Variants in ELP4 observed in about 807,000 individuals in gnomAD.
ELP4 encodes elongator complex protein 4.
In ELP4, 51 loss-of-function variants were observed where a neutral mutation model predicts 48.9. The observed-to-expected ratio is 1.04, with a 90% CI of 0.83 to 1.32. ELP4 has a LOEUF of 1.32. ELP4 is among the 40% of genes most tolerant of loss of function. The pLI is 0.00. For missense variants in ELP4, 519 were observed against 514.6 expected (o/e 1.01, Z -0.08); for synonymous variants, 210 against 189.2 (o/e 1.11, Z -0.90).
At chr11:31,763,337 TCCCCC>T in intron 9 of ELP4, 1 of 1,315,408 alleles carries the variant, frequency 7.6e-7, no homozygotes. Context: ...GTTAGCTTTT[TCCCCC>T]TCTAATCCTT....
At chr11:31,544,957 G>A (rs1020777657) in intron 3 of ELP4, among the ~76,000 whole-genome samples, 8 of 152,056 alleles carry the variant, frequency 5.3e-5, no homozygotes, top group Non-Finnish European at 1.2e-4. Context: ...CTGTTAGAAG[G>A]AAAACTAACA....
intron 2 of ELP4, among the ~76,000 whole-genome samples, chr11:31,534,745 A>G (rs1199514279): frequency 6.6e-6 from 1 of 152,246 alleles, no homozygotes; most frequent in Non-Finnish European, 1.5e-5. Context: ...AATCTTAGAA[A>G]TTAAAAATTT....
At chr11:31,576,131 G>A (rs1334245955) in intron 3 of ELP4, among the ~76,000 whole-genome samples, 1 of 152,128 alleles carries the variant, frequency 6.6e-6, no homozygotes, top group Admixed American at 6.6e-5. Flanking sequence ...AATAGGCAGG[G>A]ATTGCAATCC....
At chr11:31,563,888 A>T (rs751323940) in intron 3 of ELP4, among the ~76,000 whole-genome samples, 1 of 152,228 alleles carries the variant, frequency 6.6e-6, no homozygotes, top group East Asian at 1.9e-4. Flanking sequence ...TCTGGGTTAG[A>T]AATCAAAGGC....
intron 2 of ELP4, among the ~76,000 whole-genome samples, chr11:31,523,006 C>T (rs1187685065): frequency 6.6e-6 from 1 of 151,804 alleles, no homozygotes; most frequent in Non-Finnish European, 1.5e-5. Context: ...ACAGCACTCA[C>T]ACCACCATGC....
intron 6 of ELP4, among the ~76,000 whole-genome samples, chr11:31,628,728 A>G (rs1339381714): frequency 6.6e-6 from 1 of 152,066 alleles, no homozygotes; most frequent in Non-Finnish European, 1.5e-5. Context: ...ATTAAAATAT[A>G]CCAATACGTT....
chr11:31,683,198 G>A (rs1460711672), intron 9 of ELP4, among the ~76,000 whole-genome samples: 1 of 152,102 alleles, frequency 6.6e-6, no homozygotes, highest in Non-Finnish European at 1.5e-5. Context: ...ACACAAATGT[G>A]TAGTTTCTTT....
chr11:31,574,965 A>T (rs1219378009), intron 3 of ELP4, among the ~76,000 whole-genome samples: 3 of 152,240 alleles, frequency 2.0e-5, no homozygotes, highest in African/African-American at 4.8e-5. Flanking sequence ...AGAAGGCTTC[A>T]GACAATCGGT....
intron 5 of ELP4, among the ~76,000 whole-genome samples, chr11:31,613,319 A>C (rs895517693): frequency 6.6e-6 from 1 of 152,186 alleles, no homozygotes; most frequent in African/African-American, 2.4e-5. Flanking sequence ...GCTTCCAAAA[A>C]CCTAGTGATA....
intron 7 of ELP4, among the ~76,000 whole-genome samples, chr11:31,644,169 A>T (rs1428489920): frequency 6.6e-6 from 1 of 151,786 alleles, no homozygotes; most frequent in Non-Finnish European, 1.5e-5. Context: ...TTTAATATCC[A>T]GATGGGCAAG....
In ELP4 at chr11:31,786,874, C is replaced by T. The variant is rs1012084206; in HGVS notation, c.*3350C>T. 17 of 217,990 alleles carry T rather than the reference C, an allele frequency of 7.8e-5. No homozygotes were observed. The highest frequency in any genetic ancestry group is 1.2e-4 in the Non-Finnish European group (13 of 108,660). The allele number at this position is 217,990 out of a possible 1,614,324, so 13.5% of individuals were successfully genotyped here. ...CTCTTATTCTATTCACCTGGTTTTC[C>T]CAAGTCAGTCAAGTTTGGAGAAAAA... On this transcript the variant is annotated 3_prime_UTR_variant, in exon 10 of 10. Transcript: ENST00000640961.
At chr11:31,741,965 T>A (rs978840599) in intron 9 of ELP4, among the ~76,000 whole-genome samples, 13 of 151,940 alleles carry the variant, frequency 8.6e-5, no homozygotes, top group African/African-American at 2.9e-4. Flanking sequence ...AGGAGGAAAT[T>A]CGAACCAATG....
chr11:31,659,442 C>T (rs1222984676), intron 9 of ELP4, among the ~76,000 whole-genome samples: 2 of 152,050 alleles, frequency 1.3e-5, no homozygotes, highest in African/African-American at 4.8e-5. Flanking sequence ...TATTTGGCTT[C>T]AATTTTTTGT....
chr11:31,577,125 T>C (rs1957298046), intron 3 of ELP4, among the ~76,000 whole-genome samples: 1 of 152,004 alleles, frequency 6.6e-6, no homozygotes, highest in African/African-American at 2.4e-5. Context: ...CCCACAGAAA[T>C]ACAAACTACC....
intron 7 of ELP4, chr11:31,632,630 T>C (rs1944886749): frequency 2.5e-6 from 1 of 399,370 alleles, no homozygotes; most frequent in African/African-American, 2.1e-5. Context: ...TTGGTAATAA[T>C]TTTCCTCCTA....
rs1945743782 is a variant in ELP4 at position 31,668,915 on chromosome 11, T to C, written c.1143+18694T>C. 1.3e-5 allele frequency among the ~76,000 whole-genome samples: 2 copies of C among 151,820 alleles called. 1 individual carries two copies. The highest frequency in any genetic ancestry group is 1.3e-4 in the Admixed American group (2 of 15,226). On this transcript the variant is annotated intron_variant, in intron 9 of 9. Transcript: ENST00000640961. ...ATTTATGAAGGTATTTTAGTTGAATTTTTAATTTAGTCCAATGCTTTTTAT... is the reference window on the plus strand; with the variant it reads ...ATTTATGAAGGTATTTTAGTTGAATCTTTAATTTAGTCCAATGCTTTTTAT...
At chr11:31,537,849 C>T (rs1244297731) in intron 2 of ELP4, among the ~76,000 whole-genome samples, 2 of 152,136 alleles carry the variant, frequency 1.3e-5, no homozygotes, top group East Asian at 3.8e-4. Flanking sequence ...AACCATATCA[C>T]CTGTATTCTA....
intron 7 of ELP4, 109 bp downstream of exon 7, chr11:31,632,514 G>T: frequency 1.2e-6 from 1 of 836,918 alleles, no homozygotes; most frequent in South Asian, 2.8e-5. Context: ...ATCTTTTCAG[G>T]TGCTTTCTGG....
In ELP4 at chr11:31,735,099, A is replaced by G. The variant is rs546613908; in HGVS notation, c.1144-48294A>G. 9.9e-5 allele frequency among the ~76,000 whole-genome samples: 15 copies of G among 152,078 alleles called. No individual in the cohort carries two copies. The South Asian group carries it at 2.7e-3, about 27-fold the overall frequency. ...CTTTTGACAAAGGTGCCAAGAATAC[A>G]TAATGAGGAAACGGTAGTGTTTTCA... On this transcript the variant is annotated intron_variant, in intron 9 of 9. Transcript: ENST00000640961.
Sources: allele counts gnomAD v4.1 joint callset (sites outside exome capture counted in the v4.1 genomes callset), GRCh38; gene constraint gnomAD v4.1.1; transcripts MANE v1.5; gene names NCBI Gene and HGNC (gene_info 2026-07-23, HGNC 2026-07-21).